The following SULT1A1 variants were observed in gnomAD, a reference collection of about 807,000 sequenced individuals.
SULT1A1 encodes the protein sulfotransferase family 1A member 1.
A neutral mutation model predicts 36.8 loss-of-function variants in SULT1A1; 35 were observed. The ratio of observed to expected loss-of-function variants is 0.95; its 90% CI spans 0.73 to 1.26. The LOEUF (loss-of-function observed/expected upper bound fraction) is 1.26, where lower values mean the gene tolerates loss of function less well. SULT1A1 is among the 50% of genes most tolerant of loss of function. The pLI is 0.00. For missense variants in SULT1A1, 309 were observed against 383.0 expected, an observed-to-expected ratio of 0.81 and a Z score of 1.61; for synonymous variants, 119 against 146.0, an observed-to-expected ratio of 0.82 and a Z score of 1.33.
Position 28,608,387 on chromosome 16 carries a change from C to T in SULT1A1, c.276G>A (p.Gly92=), listed in dbSNP as rs756377677. Residue 92 remains glycine, a splice_region_variant and synonymous_variant, in exon 4 of 8, where the codon GGG becomes GGA. Transcript: ENST00000314752. ...LEFKAPGIPS[G]METLKDTPAP... ...CCGGTGTGTCTTTCAGAGTCTCCAT[C>T]CCTGAGCAGTGGGTCAGGGAAGGTC... 4 of 1,612,432 alleles carry T rather than the reference C, an allele frequency of 2.5e-6. No homozygotes were observed. Among genetic ancestry groups the T allele is most frequent in the East Asian group, 2.2e-5 (1 of 44,870 alleles).
chr16:28,619,743 T>A (rs28433689), intron 2 of SULT1A1, among the ~76,000 whole-genome samples: 9 of 8,680 alleles, frequency 1.0e-3, no homozygotes, highest in Non-Finnish European at 3.8e-3. Context: ...TTAAAAAATA[T>A]ATATATACAT....
In SULT1A1 at chr16:28,608,590, T is replaced by G. The variant is rs1126447; in HGVS notation, c.162A>C (p.Val54=). 1 of 1,593,698 alleles carries G rather than the reference T, an allele frequency of 6.3e-7. No homozygotes were observed. The highest frequency in any genetic ancestry group is 8.6e-7 in the Non-Finnish European group (1 of 1,166,708). ...STYPKSGTTW[V]SQILDMIYQG... ...GGTAGATCATGTCCAGAATCTGGCTTACCCAGGTAGTGCCTGGAGAGGGAG... is the reference window on the plus strand; with the variant it reads ...GGTAGATCATGTCCAGAATCTGGCTGACCCAGGTAGTGCCTGGAGAGGGAG... Residue 54 remains valine (V), a synonymous_variant, in exon 3 of 8, where the codon GTA becomes GTC. Transcript: ENST00000314752.
At chr16:28,619,734 T>TAA (rs55829523) in intron 2 of SULT1A1, among the ~76,000 whole-genome samples, 4 of 135,768 alleles carry the variant, frequency 2.9e-5, no homozygotes, top group East Asian at 3.9e-4. Flanking sequence ...AAAATTTTAT[T>TAA]AAAAAATATA....
exon 1 of SULT1A1, chr16:28,623,209 C>G: frequency 6.5e-7 from 1 of 1,546,746 alleles, no homozygotes. Flanking sequence ...GCGCGCGGCG[C>G]TCGGCCCGGG....
chr16:28,619,996 TG>T, intron 2 of SULT1A1: 1 of 1,354,390 alleles, frequency 7.4e-7, no homozygotes, highest in Non-Finnish European at 1.0e-6. Context: ...TTGTATATTG[TG>T]TGTGTGTGTG....
chr16:28,621,760 T>C (rs549204136), intron 1 of SULT1A1, among the ~76,000 whole-genome samples: 3 of 151,986 alleles, frequency 2.0e-5, no homozygotes, highest in Non-Finnish European at 4.4e-5. Context: ...TTAAGACCCA[T>C]AGAGATTTTC....
intron 2 of SULT1A1, among the ~76,000 whole-genome samples, chr16:28,615,852 A>C (rs976559091): frequency 6.6e-6 from 1 of 152,220 alleles, no homozygotes; most frequent in Non-Finnish European, 1.5e-5. Flanking sequence ...GAGGGAGAGG[A>C]GACAAAGAGA....
chr16:28,618,357 T>TTTG (rs2047586578), intron 2 of SULT1A1, among the ~76,000 whole-genome samples: 1 of 140,468 alleles, frequency 7.1e-6, no homozygotes, highest in South Asian at 2.5e-4. Flanking sequence ...TTTTTTTTTT[T>TTTG]TTTTTTGAGA....
chr16:28,609,197 C>G (rs1034166299), intron 1 of SULT1A1: 1 of 1,323,670 alleles, frequency 7.6e-7, no homozygotes, highest in African/African-American at 1.5e-5. Flanking sequence ...ACTGAGGAAG[C>G]TCTAGGACCT....
At chr16:28,610,545 G>C (rs143892983), upstream of SULT1A1, 2 of 280,636 alleles carry the variant, frequency 7.1e-6, no homozygotes, top group African/African-American at 2.2e-5. Context: ...GGCCAGTCTA[G>C]AGGGATGTGT....
upstream of SULT1A1, chr16:28,610,513 G>A (rs2047410990): frequency 3.2e-6 from 1 of 314,650 alleles, no homozygotes; most frequent in South Asian, 2.6e-5. Context: ...AGCAGCCCAT[G>A]CACTCCAGGC....
In SULT1A1 at chr16:28,606,776, A is replaced by G. The variant is rs772081539; in HGVS notation, c.579T>C (p.Tyr193=). Residue 193 remains tyrosine (Y), a synonymous_variant, in exon 6 of 8, where the codon TAT becomes TAC. Transcript: ENST00000314752. ...GTGGTCTCACCTCCTTCATGTCTTC[A>G]TAGAAGAGGTAGAGAACAGGGTGGG... ...SRTHPVLYLF[Y]EDMKENPKRE... 6.2e-7 allele frequency: 1 copy of G among 1,612,394 alleles called. No homozygotes were observed. Among genetic ancestry groups the G allele is most frequent in the South Asian group, 1.1e-5 (1 of 91,024 alleles).
chr16:28,618,826 T>G (rs1176158290), intron 2 of SULT1A1, among the ~76,000 whole-genome samples: 1 of 152,198 alleles, frequency 6.6e-6, no homozygotes, highest in Non-Finnish European at 1.5e-5. Flanking sequence ...TGGCTCTGAA[T>G]GTGGGAATGA....
At chr16:28,619,761 T>TATCC (rs1195931067) in intron 2 of SULT1A1, among the ~76,000 whole-genome samples, 3 of 149,580 alleles carry the variant, frequency 2.0e-5, no homozygotes, top group East Asian at 2.0e-4. Flanking sequence ...CATATATATA[T>TATCC]ATAGACACAC....
intron 4 of SULT1A1, 197 bp from the exon 5 acceptor site, chr16:28,607,274 T>C (rs1185629841): frequency 1.8e-5 from 16 of 892,460 alleles, no homozygotes; most frequent in Non-Finnish European, 2.5e-5. Context: ...GAGACCATCA[T>C]ATTCTATAGT....
rs761061758 is a variant in SULT1A1, at chr16:28,623,120, C to G, written c.67+11G>C. The G allele has an allele frequency of 3.0e-5, 46 of 1,528,156 alleles. 1 individual carries two copies. The highest frequency in any genetic ancestry group is 9.8e-5 in the East Asian group (4 of 40,826). The allele number at this position is 1,528,156 out of a possible 1,614,324, so 94.7% of individuals were successfully genotyped here. A position where few individuals can be genotyped will look rare whatever the true frequency, so the allele number is the denominator to read the frequency against. ...GGTCCCACCCCCCAGGTTCCCCCCC[C>G]GGCCCCTCACCGGCGTAGAAGGCCG... On this transcript the variant is annotated intron_variant, in intron 1 of 5. Transcript: ENST00000350842.
chr16:28,618,339 CTT>C (rs546277570), intron 2 of SULT1A1, among the ~76,000 whole-genome samples: 3 of 72,398 alleles, frequency 4.1e-5, no homozygotes, highest in African/African-American at 5.6e-5. Flanking sequence ...ACTTCCCGCT[CTT>C]TTTTTTTTTT....
intron 2 of SULT1A1, among the ~76,000 whole-genome samples, chr16:28,616,069 G>A (rs747572326): frequency 1.3e-5 from 2 of 152,104 alleles, no homozygotes; most frequent in Non-Finnish European, 2.9e-5. Context: ...TGGTGTCACC[G>A]CTAGACCAAG....
chr16:28,610,262 C>CTTT (rs2047397773), upstream of SULT1A1: 257 of 239,544 alleles, frequency 1.1e-3, no homozygotes, highest in Middle Eastern at 3.7e-3. Context: ...TTTTTTTTTT[C>CTTT]TGTTTTTTTT....
Sources: allele counts gnomAD v4.1 joint callset (sites outside exome capture counted in the v4.1 genomes callset), GRCh38; gene constraint gnomAD v4.1.1; transcripts MANE v1.5; gene names NCBI Gene and HGNC (gene_info 2026-07-23, HGNC 2026-07-21).